The following ARHGAP28 variants were observed in gnomAD, a reference collection of about 807,000 sequenced individuals.
ARHGAP28 encodes rho GTPase-activating protein 28.
Under a neutral mutation model 90.7 loss-of-function variants are expected in ARHGAP28, and 56 were observed. The ratio of observed to expected loss-of-function variants is 0.62; its 90% CI spans 0.50 to 0.77. The LOEUF (loss-of-function observed/expected upper bound fraction) is 0.77, where lower values mean the gene tolerates loss of function less well. Ranked by LOEUF, ARHGAP28 falls within the 30% of genes least tolerant of loss-of-function variation. The pLI is 0.00. For synonymous variants in ARHGAP28, 308 were observed against 323.3 expected (o/e 0.95, Z 0.51); for missense variants, 869 against 900.9 (o/e 0.96, Z 0.45).
intron 10 of ARHGAP28, among the ~76,000 whole-genome samples, chr18:6,880,416 C>A (rs947140587): frequency 6.6e-6 from 1 of 152,168 alleles, no homozygotes; most frequent in Non-Finnish European, 1.5e-5. Context: ...CTGTCACTCG[C>A]TTCCACCCAC....
chr18:6,854,829 C>T (rs2143310012), intron 4 of ARHGAP28, among the ~76,000 whole-genome samples: 1 of 152,312 alleles, frequency 6.6e-6, no homozygotes, highest in Non-Finnish European at 1.5e-5. Flanking sequence ...CCCCTCCTCC[C>T]ATAGGCTTGG....
intron 4 of ARHGAP28, among the ~76,000 whole-genome samples, chr18:6,858,414 A>G (rs1204042565): frequency 6.6e-6 from 1 of 152,114 alleles, no homozygotes; most frequent in Non-Finnish European, 1.5e-5. Context: ...TTGGCCTGCT[A>G]TGGAATTCTT....
At chr18:6,828,166 C>T (rs1157199870) in intron 2 of ARHGAP28, among the ~76,000 whole-genome samples, 13 of 152,192 alleles carry the variant, frequency 8.5e-5, no homozygotes, top group Non-Finnish European at 1.8e-4. Flanking sequence ...CCGGCCAACA[C>T]AGTGAAACCC....
intron 3 of ARHGAP28, among the ~76,000 whole-genome samples, chr18:6,839,046 A>G (rs1416299190): frequency 6.6e-6 from 1 of 152,142 alleles, no homozygotes; most frequent in African/African-American, 2.4e-5. Flanking sequence ...TGTGGTCCTT[A>G]TGTCTAGTGG....
At chr18:6,805,636 C>A (rs1390602427) in intron 1 of ARHGAP28, among the ~76,000 whole-genome samples, 22 of 151,708 alleles carry the variant, frequency 1.5e-4, no homozygotes, top group Admixed American at 1.4e-3. Flanking sequence ...CAGGTGCCTG[C>A]CACCACGCCC....
chr18:6,742,527 G>A (rs1359261886), intron 1 of ARHGAP28, among the ~76,000 whole-genome samples: 1 of 152,150 alleles, frequency 6.6e-6, no homozygotes, highest in Non-Finnish European at 1.5e-5. Flanking sequence ...TGTGGTGGAT[G>A]AGCAGATTGT....
At chr18:6,898,336 G>C (rs909970169) in intron 16 of ARHGAP28, 9 of 588,492 alleles carry the variant, frequency 1.5e-5, no homozygotes, top group Non-Finnish European at 2.3e-5. Context: ...TGTTCACTTT[G>C]TGAAAATTCA....
chr18:6,841,125 C>T (rs1044848259), intron 3 of ARHGAP28, among the ~76,000 whole-genome samples: 1 of 127,550 alleles, frequency 7.8e-6, no homozygotes, highest in Non-Finnish European at 1.8e-5. Flanking sequence ...TCTCTTCTCT[C>T]TCTCTCTCCT....
chr18:6,733,105 A>C (rs777029101), intron 1 of ARHGAP28, among the ~76,000 whole-genome samples: 5 of 152,210 alleles, frequency 3.3e-5, no homozygotes, highest in Non-Finnish European at 7.3e-5. Context: ...CTATGTATGG[A>C]GCATAATAAG....
At chr18:6,851,807 G>T (rs982329465) in intron 4 of ARHGAP28, among the ~76,000 whole-genome samples, 1 of 152,124 alleles carries the variant, frequency 6.6e-6, no homozygotes, top group East Asian at 1.9e-4. Context: ...AAAAATATTT[G>T]ATTCACACAA....
At chr18:6,862,151 T>C (rs570122345) in intron 5 of ARHGAP28, among the ~76,000 whole-genome samples, 2 of 152,286 alleles carry the variant, frequency 1.3e-5, no homozygotes, top group South Asian at 2.1e-4. Context: ...TGCCAAGTTA[T>C]TGCTTTGGTA....
chr18:6,743,905 A>T (rs2056000365), intron 1 of ARHGAP28, among the ~76,000 whole-genome samples: 1 of 152,216 alleles, frequency 6.6e-6, no homozygotes, highest in East Asian at 1.9e-4. Context: ...TGTATTCATG[A>T]TTAATTTCAG....
chr18:6,756,853 A>G (rs1431311184), intron 1 of ARHGAP28, among the ~76,000 whole-genome samples: 1 of 152,174 alleles, frequency 6.6e-6, no homozygotes, highest in Non-Finnish European at 1.5e-5. Flanking sequence ...TGGGAGAAAG[A>G]TGAAGACCAC....
chr18:6,894,783 C>T, intron 14 of ARHGAP28, 52 bp from the exon 15 acceptor site: 1 of 1,526,664 alleles, frequency 6.6e-7, no homozygotes, highest in Non-Finnish European at 9.0e-7. Context: ...CTTCCAAAAG[C>T]AACATATGCT....
At chr18:6,763,381 C>T (rs780674436) in intron 1 of ARHGAP28, among the ~76,000 whole-genome samples, 1 of 152,074 alleles carries the variant, frequency 6.6e-6, no homozygotes, top group Non-Finnish European at 1.5e-5. Context: ...CCACTCCTGG[C>T]CACAAGAGAT....
chr18:6,800,902 C>A (rs2056476992), intron 1 of ARHGAP28, among the ~76,000 whole-genome samples: 1 of 152,098 alleles, frequency 6.6e-6, no homozygotes, highest in Non-Finnish European at 1.5e-5. Flanking sequence ...TTTGAAAGTT[C>A]TTTATGTATT....
intron 2 of ARHGAP28, among the ~76,000 whole-genome samples, chr18:6,827,360 G>A (rs958432421): frequency 2.7e-5 from 4 of 148,982 alleles, no homozygotes; most frequent in African/African-American, 9.9e-5. Flanking sequence ...CTGGCTGGGC[G>A]GAGGGTTGAC....
intron 11 of ARHGAP28, 82 bp downstream of exon 11, chr18:6,882,381 G>A: frequency 1.4e-6 from 2 of 1,381,514 alleles, no homozygotes; most frequent in Non-Finnish European, 2.0e-6. Flanking sequence ...TGAATCAAAT[G>A]TGCTCATGTA....
rs1600264895 is a variant in ARHGAP28 at position 6,868,222 on chromosome 18, A to T, written c.799A>T (p.Asn267Tyr). ...GSPEPGQPVQNAISDDDFLEK... is the reference protein window; with the variant it reads ...GSPEPGQPVQYAISDDDFLEK... ...ACCGGAGCCTGGACAGCCAGTTCAG[A>T]ATGCGATAAGTGGTGAGCGGCATGC... Residue 267 changes from asparagine to tyrosine, a missense_variant, in exon 6 of 18, where the codon AAT (asparagine) becomes TAT (tyrosine). By Grantham distance (143) the Asn-to-Tyr change is moderately radical. Coordinates refer to ENST00000383472, the MANE Select transcript of ARHGAP28 (RefSeq NM_001366230.1). 1 of 1,614,120 alleles carries T rather than the reference A, an allele frequency of 6.2e-7. No individual in the cohort carries two copies. The highest frequency in any genetic ancestry group is 8.5e-7 in the Non-Finnish European group (1 of 1,179,972).
Sources: allele counts gnomAD v4.1 joint callset (sites outside exome capture counted in the v4.1 genomes callset), GRCh38; gene constraint gnomAD v4.1.1; transcripts MANE v1.5; gene names NCBI Gene and HGNC (gene_info 2026-07-23, HGNC 2026-07-21).